The following CGNL1 variants were observed in gnomAD, a reference collection of about 807,000 sequenced individuals.
The protein encoded by CGNL1 is cingulin like 1, also known as cingulin-like protein 1.
CGNL1 carries 132 observed loss-of-function variants against 141.2 expected under a neutral mutation model. The ratio of observed to expected loss-of-function variants is 0.93; its 90% CI spans 0.81 to 1.08. The LOEUF (loss-of-function observed/expected upper bound fraction) is 1.08, where lower values mean the gene tolerates loss of function less well. Among genes scored for constraint, CGNL1 ranks in the 50% least tolerant of loss-of-function variants. CGNL1 has a pLI of 0.00. For synonymous variants in CGNL1, 690 were observed against 622.1 expected, an observed-to-expected ratio of 1.11 and a Z score of -1.63; for missense variants, 1,870 against 1,588.6, an observed-to-expected ratio of 1.18 and a Z score of -3.01.
intron 1 of CGNL1, among the ~76,000 whole-genome samples, chr15:57,435,590 T>C (rs1281924415): frequency 1.3e-5 from 2 of 152,110 alleles, no homozygotes; most frequent in African/African-American, 4.8e-5. Flanking sequence ...ATGATAAATA[T>C]TACAGATGAA....
intron 1 of CGNL1, among the ~76,000 whole-genome samples, chr15:57,392,747 C>A (rs1306792323): frequency 1.3e-5 from 2 of 152,198 alleles, no homozygotes; most frequent in African/African-American, 4.8e-5. Flanking sequence ...AAGAAACCAC[C>A]ATCTCATGTT....
At chr15:57,459,526 G>A (rs1218508081) in intron 7 of CGNL1, among the ~76,000 whole-genome samples, 1 of 152,140 alleles carries the variant, frequency 6.6e-6, no homozygotes, top group African/African-American at 2.4e-5. Context: ...TGAAAGGCAG[G>A]GAGAGATGGG....
At chr15:57,445,915 A>G (rs1326170920) in intron 4 of CGNL1, among the ~76,000 whole-genome samples, 1 of 152,258 alleles carries the variant, frequency 6.6e-6, no homozygotes. Context: ...GATCAGAGAG[A>G]TAATATTTTG....
At chr15:57,433,853 T>C (rs2063073509) in intron 1 of CGNL1, among the ~76,000 whole-genome samples, 1 of 151,108 alleles carries the variant, frequency 6.6e-6, no homozygotes, top group Middle Eastern at 3.4e-3. Context: ...TGGAAGACTT[T>C]CCTTGAGAAA....
At chr15:57,376,749 G>C (rs1178905424) in intron 1 of CGNL1, among the ~76,000 whole-genome samples, 182 bp downstream of exon 1, 1 of 151,390 alleles carries the variant, frequency 6.6e-6, no homozygotes, top group African/African-American at 2.4e-5. Flanking sequence ...TCGAAGATGC[G>C]ACCCGGACTC....
Position 57,547,539 on chromosome 15 carries a change from G to A in CGNL1, c.*49G>A. 1 of 1,594,402 alleles carries A rather than the reference G, an allele frequency of 6.3e-7. No individual in the cohort carries two copies. Among genetic ancestry groups the A allele is most frequent in the Non-Finnish European group, 8.6e-7 (1 of 1,169,516 alleles). On this transcript the variant is annotated 3_prime_UTR_variant, in exon 19 of 19. Coordinates refer to ENST00000281282, the MANE Select transcript of CGNL1 (RefSeq NM_032866.5). ...ACCTGTCATTCCTGCAGGAGCTGCAGCCACCCAAAGTGGGAGGCAGGGAGG... is the reference window on the plus strand; with the variant it reads ...ACCTGTCATTCCTGCAGGAGCTGCAACCACCCAAAGTGGGAGGCAGGGAGG...
intron 1 of CGNL1, among the ~76,000 whole-genome samples, chr15:57,412,360 G>T (rs898805570): frequency 3.9e-5 from 6 of 152,164 alleles, no homozygotes; most frequent in African/African-American, 1.4e-4. Context: ...TTCTTTGGTG[G>T]CTCTGCATCC....
intron 8 of CGNL1, among the ~76,000 whole-genome samples, chr15:57,496,799 A>G (rs78507226): frequency 3.9e-4 from 59 of 152,280 alleles, no homozygotes; most frequent in African/African-American, 1.4e-3. Context: ...AAATCAGGAT[A>G]ATTACAGAGC....
Position 57,416,478 on chromosome 15 carries a change from C to T in CGNL1, c.-15-21507C>T, listed in dbSNP as rs754229092. 8.5e-5 allele frequency among the ~76,000 whole-genome samples: 13 copies of T among 152,176 alleles called. 1 individual carries two copies. The highest frequency in any genetic ancestry group is 7.9e-4 in the Admixed American group (12 of 15,274). On this transcript the variant is annotated intron_variant, in intron 1 of 18. Transcript: ENST00000281282. ...CTGCTCTTCCTTCTACTTAAGCCAGCATCCTCTCCTGACCCCTCTATCCCT... is the reference window on the plus strand; with the variant it reads ...CTGCTCTTCCTTCTACTTAAGCCAGTATCCTCTCCTGACCCCTCTATCCCT...
chr15:57,454,393 C>G (rs138901446), intron 7 of CGNL1, among the ~76,000 whole-genome samples: 6 of 152,300 alleles, frequency 3.9e-5, no homozygotes, highest in African/African-American at 1.2e-4. Flanking sequence ...GGTGTTTTCT[C>G]TCTCCCTTAC....
intron 7 of CGNL1, among the ~76,000 whole-genome samples, chr15:57,459,510 A>G (rs1266799423): frequency 1.3e-5 from 2 of 152,244 alleles, no homozygotes; most frequent in African/African-American, 4.8e-5. Context: ...GTCTTCAAAG[A>G]TTTTCTGAAA....
intron 8 of CGNL1, among the ~76,000 whole-genome samples, chr15:57,509,258 G>A (rs1230644976): frequency 6.6e-6 from 1 of 152,182 alleles, no homozygotes; most frequent in African/African-American, 2.4e-5. Flanking sequence ...GGTGGCCAGC[G>A]AGATGGAACT....
At chr15:57,437,619 C>CAAAAAAAAAAAAAAAAAAAAAAAAAAAAA (rs540499763) in intron 1 of CGNL1, among the ~76,000 whole-genome samples, 2 of 36,086 alleles carry the variant, frequency 5.5e-5, no homozygotes, top group Non-Finnish European at 1.1e-4. Context: ...AACTAAACAG[C>CAAAAAAAAAAAAAAAAAAAAAAAAAAAAA]AAAAAAAAAA....
At chr15:57,424,599 G>A (rs1034719411) in intron 1 of CGNL1, among the ~76,000 whole-genome samples, 2 of 152,170 alleles carry the variant, frequency 1.3e-5, no homozygotes, top group African/African-American at 4.8e-5. Context: ...TCCAGTGTCT[G>A]TGTTTTTAAT....
At chr15:57,394,419 C>G (rs866815714) in intron 1 of CGNL1, among the ~76,000 whole-genome samples, 2 of 152,066 alleles carry the variant, frequency 1.3e-5, no homozygotes, top group Middle Eastern at 3.2e-3. Context: ...ACCACCATGC[C>G]CGGCTTATTT....
At chr15:57,493,307 G>A (rs1288424716) in intron 8 of CGNL1, among the ~76,000 whole-genome samples, 1 of 152,168 alleles carries the variant, frequency 6.6e-6, no homozygotes, top group Admixed American at 6.5e-5. Flanking sequence ...TCTTTTGACA[G>A]GGTTACTAGG....
chr15:57,475,487 AGTGTGGTGTGTGTGT>A (rs2063640853), intron 8 of CGNL1, among the ~76,000 whole-genome samples: 1 of 137,212 alleles, frequency 7.3e-6, no homozygotes, highest in East Asian at 2.1e-4. Flanking sequence ...TGTATATACA[AGTGTGGTGTGTGTGT>A]GTGTGTGTGT....
At chr15:57,450,746 TG>T (rs558628939) in intron 4 of CGNL1, among the ~76,000 whole-genome samples, 107 of 152,336 alleles carry the variant, frequency 7.0e-4, no homozygotes, top group South Asian at 1.9e-3. Flanking sequence ...TTTCAGTGCC[TG>T]TCAACAATTG....
intron 10 of CGNL1, 59 bp downstream of exon 10, chr15:57,518,556 C>T: frequency 8.8e-7 from 1 of 1,141,820 alleles, no homozygotes; most frequent in Non-Finnish European, 1.3e-6. Context: ...AGACGCAACA[C>T]CAGAGGGATG....
Sources: allele counts gnomAD v4.1 joint callset (sites outside exome capture counted in the v4.1 genomes callset), GRCh38; gene constraint gnomAD v4.1.1; transcripts MANE v1.5; gene names NCBI Gene and HGNC (gene_info 2026-07-23, HGNC 2026-07-21).